The following GPATCH2 variants were observed in gnomAD, a reference collection of about 807,000 sequenced individuals.
GPATCH2 encodes the protein G-patch domain containing 2.
GPATCH2 carries 51 observed loss-of-function variants against 58.0 expected under a neutral mutation model. That is an observed-to-expected ratio of 0.88 (90% CI 0.70 to 1.11). GPATCH2 has a LOEUF of 1.11. GPATCH2 is among the 50% of genes most tolerant of loss of function. GPATCH2 has a pLI of 0.00. For missense variants in GPATCH2, 625 were observed against 652.2 expected, an observed-to-expected ratio of 0.96 and a Z score of 0.45; for synonymous variants, 222 against 218.5, an observed-to-expected ratio of 1.02 and a Z score of -0.14.
At chr1:217,451,633 C>T (rs1659670398) in intron 8 of GPATCH2, among the ~76,000 whole-genome samples, 1 of 152,186 alleles carries the variant, frequency 6.6e-6, no homozygotes, top group African/African-American at 2.4e-5. Flanking sequence ...TATCCTTTCA[C>T]ATATCTTATC....
chr1:217,509,702 T>C (rs576673276), intron 6 of GPATCH2, among the ~76,000 whole-genome samples: 5 of 152,312 alleles, frequency 3.3e-5, no homozygotes, highest in Admixed American at 1.3e-4. Context: ...GCAGTAGAAC[T>C]TGATAATCTT....
intron 3 of GPATCH2, among the ~76,000 whole-genome samples, chr1:217,612,993 A>T (rs1203544195): frequency 6.6e-6 from 1 of 152,144 alleles, no homozygotes; most frequent in East Asian, 1.9e-4. Context: ...TTCCATACTT[A>T]TCAAAGATTG....
At chr1:217,587,966 A>T (rs1315707924) in intron 5 of GPATCH2, among the ~76,000 whole-genome samples, 1 of 152,178 alleles carries the variant, frequency 6.6e-6, no homozygotes, top group Non-Finnish European at 1.5e-5. Context: ...GAATGCATTG[A>T]ACTTATCTTT....
chr1:217,489,051 T>C (rs903600252), intron 8 of GPATCH2, among the ~76,000 whole-genome samples: 6 of 151,866 alleles, frequency 4.0e-5, no homozygotes, highest in Non-Finnish European at 8.8e-5. Context: ...TGTCTAATTT[T>C]ATGCTTTCTA....
chr1:217,489,387 T>C (rs1661609449), intron 8 of GPATCH2, among the ~76,000 whole-genome samples: 1 of 149,028 alleles, frequency 6.7e-6, no homozygotes, highest in Non-Finnish European at 1.5e-5. Context: ...TTATCAAGTA[T>C]CAAATGCTTA....
rs140850986 is a variant in GPATCH2 at position 217,522,831 on chromosome 1, T to TACACACACAC, written c.1099-7952_1099-7943dup. The stretch of plus-strand genomic sequence containing the variant: ...CAAATAGTTTTGGGGACTTGTTCAA[T>TACACACACAC]ACACACACACACACACACACAACTT... On this transcript the variant is annotated intron_variant, in intron 5 of 9. Transcript: ENST00000366935. Among the ~76,000 whole-genome samples, 797 of 149,326 alleles carry TACACACACAC rather than the reference T, an allele frequency of 5.3e-3. 6 individuals carry two copies. Among genetic ancestry groups the TACACACACAC allele is most frequent in the Non-Finnish European group, 8.7e-3 (588 of 67,386 alleles).
At chr1:217,433,038 G>C (rs961114818) in intron 9 of GPATCH2, among the ~76,000 whole-genome samples, 1 of 150,932 alleles carries the variant, frequency 6.6e-6, no homozygotes, top group Non-Finnish European at 1.5e-5. Flanking sequence ...TTCTCTCAAA[G>C]TTTCATGAGT....
intron 8 of GPATCH2, among the ~76,000 whole-genome samples, chr1:217,457,000 C>T (rs576982173): frequency 6.6e-6 from 1 of 152,206 alleles, no homozygotes; most frequent in African/African-American, 2.4e-5. Flanking sequence ...TTACCCTTCT[C>T]ATTATTAATA....
chr1:217,499,576 T>G (rs1316056072), intron 6 of GPATCH2, among the ~76,000 whole-genome samples: 1 of 152,156 alleles, frequency 6.6e-6, no homozygotes, highest in Non-Finnish European at 1.5e-5. Context: ...ATAGTGATAG[T>G]GATGCTTCTA....
intron 8 of GPATCH2, among the ~76,000 whole-genome samples, chr1:217,454,724 T>C (rs1349759998): frequency 6.6e-6 from 1 of 151,226 alleles, no homozygotes; most frequent in East Asian, 2.0e-4. Flanking sequence ...GTGATTCTCA[T>C]ACCTCAGCAC....
intron 8 of GPATCH2, among the ~76,000 whole-genome samples, chr1:217,459,904 G>C (rs1236939677): frequency 6.6e-6 from 1 of 152,040 alleles, no homozygotes; most frequent in African/African-American, 2.4e-5. Context: ...CAAGCTCTAA[G>C]TTCCGTTCTG....
chr1:217,581,581 G>A (rs1357359327), intron 5 of GPATCH2, among the ~76,000 whole-genome samples: 2 of 152,190 alleles, frequency 1.3e-5, no homozygotes, highest in East Asian at 1.9e-4. Flanking sequence ...ATGTCCTTGT[G>A]AATAGGTGAA....
At chr1:217,606,035 C>T (rs536272086) in intron 5 of GPATCH2, among the ~76,000 whole-genome samples, 4 of 151,994 alleles carry the variant, frequency 2.6e-5, no homozygotes, top group East Asian at 1.9e-4. Flanking sequence ...TACTTTACTA[C>T]GATGGCAACA....
chr1:217,595,797 G>A (rs1667797861), intron 5 of GPATCH2, among the ~76,000 whole-genome samples: 1 of 152,106 alleles, frequency 6.6e-6, no homozygotes, highest in Admixed American at 6.6e-5. Flanking sequence ...ACCGCACCCG[G>A]CCGATCCTTC....
chr1:217,460,580 C>A (rs980108039), intron 8 of GPATCH2, among the ~76,000 whole-genome samples: 2 of 152,192 alleles, frequency 1.3e-5, no homozygotes, highest in Non-Finnish European at 2.9e-5. Context: ...ACGTGACGTG[C>A]CATAGCTGTG....
intron 5 of GPATCH2, among the ~76,000 whole-genome samples, chr1:217,542,480 T>G (rs1664796303): frequency 6.6e-6 from 1 of 151,960 alleles, no homozygotes; most frequent in Non-Finnish European, 1.5e-5. Flanking sequence ...CTTTTTGGGG[T>G]GGGGGAAGGA....
At chr1:217,552,392 T>C (rs1295574110) in intron 5 of GPATCH2, among the ~76,000 whole-genome samples, 1 of 152,134 alleles carries the variant, frequency 6.6e-6, no homozygotes, top group Non-Finnish European at 1.5e-5. Flanking sequence ...ATAAGTTACC[T>C]AGTTAAAGGG....
At chr1:217,556,849 GA>G (rs1665656194) in intron 5 of GPATCH2, among the ~76,000 whole-genome samples, 2 of 152,294 alleles carry the variant, frequency 1.3e-5, no homozygotes. Flanking sequence ...TCCTTACCTT[GA>G]TAATCATTTG....
intron 5 of GPATCH2, among the ~76,000 whole-genome samples, chr1:217,522,204 T>C: frequency 6.6e-6 from 1 of 152,204 alleles, no homozygotes; most frequent in East Asian, 1.9e-4. Flanking sequence ...GAATTATTGG[T>C]CTATTAGAAT....
Sources: gnomAD v4.1 joint callset for allele counts (sites outside exome capture counted in the v4.1 genomes callset) on GRCh38, gnomAD v4.1.1 for gene constraint, MANE v1.5 for transcripts, NCBI Gene and HGNC (gene_info 2026-07-23, HGNC 2026-07-21) for gene names.